Variants in ADAMTS17 observed in about 807,000 individuals in gnomAD.
ADAMTS17 encodes the protein ADAM metallopeptidase with thrombospondin type 1 motif 17, also known as A disintegrin and metalloproteinase with thrombospondin motifs 17.
ADAMTS17 carries 113 observed loss-of-function variants against 141.5 expected under a neutral mutation model. That is an observed-to-expected ratio of 0.80 (90% CI 0.69 to 0.93). ADAMTS17 has a LOEUF of 0.93. Among genes scored for constraint, ADAMTS17 ranks in the 40% least tolerant of loss-of-function variants. ADAMTS17 has a pLI of 0.00. For missense variants in ADAMTS17, 1,659 were observed against 1,517.9 expected (o/e 1.09, Z -1.54); for synonymous variants, 768 against 630.6 (o/e 1.22, Z -3.27).
intron 2 of ADAMTS17, among the ~76,000 whole-genome samples, chr15:100,333,105 C>T (rs895365564): frequency 2.0e-5 from 3 of 152,180 alleles, no homozygotes; most frequent in Non-Finnish European, 4.4e-5. Context: ...ACCAGCCTTC[C>T]TTCTCTCTCC....
chr15:100,193,750 G>A (rs778487037), intron 8 of ADAMTS17, among the ~76,000 whole-genome samples: 6 of 152,218 alleles, frequency 3.9e-5, no homozygotes, highest in Non-Finnish European at 8.8e-5. Flanking sequence ...GTTTTCCAGA[G>A]GCCACGGGCT....
chr15:100,030,092 T>G (rs570304762), intron 18 of ADAMTS17, among the ~76,000 whole-genome samples: 241 of 152,290 alleles, frequency 1.6e-3, no homozygotes, highest in African/African-American at 5.4e-3. Flanking sequence ...CAGATCACCC[T>G]TTGTCCTCCC....
intron 8 of ADAMTS17, among the ~76,000 whole-genome samples, chr15:100,184,399 C>G (rs1453082847): frequency 6.6e-6 from 1 of 152,200 alleles, no homozygotes; most frequent in Non-Finnish European, 1.5e-5. Context: ...GGGCCCCTGG[C>G]CAGTGAGCCT....
At chr15:100,196,705 C>T (rs1486853938) in intron 8 of ADAMTS17, among the ~76,000 whole-genome samples, 1 of 152,224 alleles carries the variant, frequency 6.6e-6, no homozygotes, top group Non-Finnish European at 1.5e-5. Context: ...TTTCCGGTTT[C>T]GTGTCTGTGA....
intron 3 of ADAMTS17, among the ~76,000 whole-genome samples, chr15:100,289,507 G>C (rs937795759): frequency 6.6e-6 from 1 of 151,224 alleles, no homozygotes; most frequent in Non-Finnish European, 1.5e-5. Context: ...TCATTCTGAT[G>C]CCAAAACCTT....
chr15:100,246,865 A>ATTTT (rs1280079804), intron 7 of ADAMTS17, among the ~76,000 whole-genome samples: 6 of 95,814 alleles, frequency 6.3e-5, no homozygotes, highest in South Asian at 8.6e-4. Flanking sequence ...TTGCCCTTTT[A>ATTTT]TTTTTATTTA....
intron 18 of ADAMTS17, among the ~76,000 whole-genome samples, chr15:100,036,216 A>G (rs2030696792): frequency 6.6e-6 from 1 of 152,258 alleles, no homozygotes; most frequent in Non-Finnish European, 1.5e-5. Context: ...GAGGGTGCAG[A>G]GAGGCAGCAA....
chr15:100,179,219 C>T (rs977781421), intron 8 of ADAMTS17, among the ~76,000 whole-genome samples: 2 of 152,200 alleles, frequency 1.3e-5, no homozygotes, highest in Non-Finnish European at 2.9e-5. Context: ...CACTTCCCTG[C>T]CAGCCTCCTA....
At chr15:100,081,121 T>A (rs916630528) in intron 15 of ADAMTS17, among the ~76,000 whole-genome samples, 2 of 152,128 alleles carry the variant, frequency 1.3e-5, no homozygotes, top group Admixed American at 1.3e-4. Context: ...GTGGGCACAA[T>A]CTAATCAGCT....
chr15:100,184,768 A>G (rs913800660), intron 8 of ADAMTS17, among the ~76,000 whole-genome samples: 1 of 152,068 alleles, frequency 6.6e-6, no homozygotes, highest in Non-Finnish European at 1.5e-5. Context: ...TGTGGCCATC[A>G]CCAGATCAGA....
At chr15:100,025,092 C>G (rs1355451949) in intron 18 of ADAMTS17, among the ~76,000 whole-genome samples, 1 of 152,172 alleles carries the variant, frequency 6.6e-6, no homozygotes, top group Non-Finnish European at 1.5e-5. Flanking sequence ...ATACATTTCT[C>G]TCTGTATCTC....
chr15:100,051,776 G>T, intron 16 of ADAMTS17, 45 bp from the exon 17 acceptor site: 1 of 1,612,776 alleles, frequency 6.2e-7, no homozygotes, highest in South Asian at 1.1e-5. Context: ...AAGGAAGGAA[G>T]GCCCGTGGGA....
At chr15:100,132,683 T>A (rs2038113175) in intron 11 of ADAMTS17, among the ~76,000 whole-genome samples, 1 of 152,204 alleles carries the variant, frequency 6.6e-6, no homozygotes, top group Non-Finnish European at 1.5e-5. Context: ...TGGTTCCCAA[T>A]CACGGCATCA....
chr15:100,091,363 T>A (rs1331995367), intron 15 of ADAMTS17, among the ~76,000 whole-genome samples: 1 of 152,142 alleles, frequency 6.6e-6, no homozygotes, highest in African/African-American at 2.4e-5. Context: ...TGGAGTGATT[T>A]CCCATTCCAG....
At chr15:100,341,751 C>T (rs1212933076) in intron 1 of ADAMTS17, 70 bp downstream of exon 1, 7 of 1,502,836 alleles carry the variant, frequency 4.7e-6, no homozygotes, top group Non-Finnish European at 5.3e-6. Flanking sequence ...GCCGCCAGGA[C>T]GCCGCGAGAA....
At chr15:100,101,579 A>C (rs1337890626) in intron 14 of ADAMTS17, among the ~76,000 whole-genome samples, 1 of 152,198 alleles carries the variant, frequency 6.6e-6, no homozygotes, top group African/African-American at 2.4e-5. Context: ...GACCATAAGC[A>C]CATAGAGGAC....
At chr15:100,296,949 C>G (rs1008962954) in intron 3 of ADAMTS17, among the ~76,000 whole-genome samples, 3 of 152,186 alleles carry the variant, frequency 2.0e-5, no homozygotes, top group African/African-American at 7.2e-5. Context: ...ACCAAATGAA[C>G]AGAAGAATTA....
At chr15:100,155,910 G>A (rs942308869) in intron 8 of ADAMTS17, among the ~76,000 whole-genome samples, 2 of 152,298 alleles carry the variant, frequency 1.3e-5, no homozygotes, top group Middle Eastern at 3.4e-3. Flanking sequence ...ATCACACTGT[G>A]AGCTGAACAG....
intron 14 of ADAMTS17, among the ~76,000 whole-genome samples, chr15:100,099,582 T>C (rs1409070836): frequency 2.0e-5 from 3 of 152,238 alleles, no homozygotes; most frequent in Non-Finnish European, 4.4e-5. Flanking sequence ...GTTACTTTCC[T>C]AGGAATCTTC....
Sources: allele counts gnomAD v4.1 joint callset (sites outside exome capture counted in the v4.1 genomes callset), GRCh38; gene constraint gnomAD v4.1.1; transcripts MANE v1.5; gene names NCBI Gene and HGNC (gene_info 2026-07-23, HGNC 2026-07-21).